Variants in NEXMIF observed in about 807,000 individuals in gnomAD.
The protein encoded by NEXMIF is XLMR protein related to neurite extension.
In NEXMIF, 8 loss-of-function variants were observed where a neutral mutation model predicts 62.1. The observed-to-expected ratio is 0.13, with a 90% CI of 0.08 to 0.23. The LOEUF is 0.23. Among genes scored for constraint, NEXMIF ranks in the 10% least tolerant of loss-of-function variants. The pLI, the probability that NEXMIF is intolerant of heterozygous loss-of-function variation, is 1.00. For missense variants in NEXMIF, 976 were observed against 1,113.3 expected, an observed-to-expected ratio of 0.88 and a Z score of 1.75; for synonymous variants, 404 against 416.6, an observed-to-expected ratio of 0.97 and a Z score of 0.37.
intron 1 of NEXMIF, among the ~76,000 whole-genome samples, chrX:74,887,256 G>T (rs372939513): frequency 4.8e-4 from 53 of 111,030 alleles, no homozygotes; most frequent in Non-Finnish European, 6.6e-4. Context: ...ACTTCATGTC[G>T]AAAACACCAA....
intron 1 of NEXMIF, among the ~76,000 whole-genome samples, chrX:74,857,976 T>C (rs1221124637): frequency 1.8e-5 from 2 of 111,889 alleles, no homozygotes; most frequent in African/African-American, 3.3e-5. Flanking sequence ...TGTCGCCTGA[T>C]TTGAGTGCCA....
rs2080204191 is a variant in NEXMIF, at chrX:74,769,648, T to C, written c.-47-23951A>G. The C allele has an allele frequency of 7.4e-6, 5 of 674,869 alleles. No homozygotes were observed. The South Asian group carries it at 1.1e-4, about 15-fold the overall frequency. 55.6% of individuals were successfully genotyped at this position (674,869 alleles called of 1,213,427 possible). A position where few individuals can be genotyped will look rare whatever the true frequency, so the allele number is the denominator to read the frequency against. The stretch of plus-strand genomic sequence containing the variant: ...ATTCAGTCACGGTATCCGAACTTTG[T>C]AAGACGAACTCTGTGGCAAGGCTGG... On this transcript the variant is annotated intron_variant, in intron 1 of 3. Transcript: ENST00000055682.
In NEXMIF at chrX:74,867,226, C is replaced by T. The variant is rs750560980; in HGVS notation, c.-48+57657G>A. On this transcript the variant is annotated intron_variant, in intron 1 of 3. Transcript: ENST00000055682. ...TGCCCAAAGTAATTTATAGATTCCACGCTATTACCATTACACTACCATTGA... is the reference window on the plus strand; with the variant it reads ...TGCCCAAAGTAATTTATAGATTCCATGCTATTACCATTACACTACCATTGA... Among the ~76,000 whole-genome samples the T allele has an allele frequency of 5.4e-5, 6 of 111,866 alleles. No homozygotes were observed. The East Asian group carries it at 8.5e-4, about 16-fold the overall frequency.
chrX:74,758,627 T>C (rs2080166448), intron 1 of NEXMIF, among the ~76,000 whole-genome samples: 1 of 111,298 alleles, frequency 9.0e-6, no homozygotes, highest in South Asian at 3.8e-4. Flanking sequence ...ATTTGCATCA[T>C]TTAGCTCCCA....
At chrX:74,903,755 A>G (rs1344972800) in intron 1 of NEXMIF, among the ~76,000 whole-genome samples, 1 of 111,679 alleles carries the variant, frequency 9.0e-6, no homozygotes, top group Non-Finnish European at 1.9e-5. Context: ...TGTTTCAAAC[A>G]TGTTGAACTG....
At chrX:74,857,789 G>T (rs1005192953) in intron 1 of NEXMIF, among the ~76,000 whole-genome samples, 1 of 111,858 alleles carries the variant, frequency 8.9e-6, no homozygotes, top group Admixed American at 9.5e-5. Flanking sequence ...CTTCCATGAA[G>T]AATGAGTCCC....
intron 1 of NEXMIF, among the ~76,000 whole-genome samples, chrX:74,806,931 G>A (rs2080346648): frequency 8.9e-6 from 1 of 112,722 alleles, no homozygotes; most frequent in South Asian, 3.6e-4. Flanking sequence ...ATTCCACAAC[G>A]TTTTGATTAC....
chrX:74,813,163 T>C (rs2080365698), intron 1 of NEXMIF, among the ~76,000 whole-genome samples: 1 of 110,505 alleles, frequency 9.0e-6, no homozygotes, highest in Non-Finnish European at 1.9e-5. Flanking sequence ...TTTAAGGAGG[T>C]GGAATAAGTA....
intron 1 of NEXMIF, among the ~76,000 whole-genome samples, chrX:74,844,965 A>G (rs2080487038): frequency 8.9e-6 from 1 of 112,574 alleles, no homozygotes; most frequent in Non-Finnish European, 1.9e-5. Context: ...CTGATTGATT[A>G]GTGTTCACAT....
intron 1 of NEXMIF, among the ~76,000 whole-genome samples, chrX:74,810,342 C>G (rs1366871294): frequency 9.0e-6 from 1 of 111,703 alleles, no homozygotes; most frequent in Admixed American, 9.5e-5. Flanking sequence ...ATGTAAATTA[C>G]TGTGTAGCCT....
At chrX:74,864,643 C>T (rs2080570833) in intron 1 of NEXMIF, among the ~76,000 whole-genome samples, 1 of 112,268 alleles carries the variant, frequency 8.9e-6, no homozygotes, top group African/African-American at 3.2e-5. Flanking sequence ...GTGAGGCCTT[C>T]CCAGCCATGG....
intron 1 of NEXMIF, among the ~76,000 whole-genome samples, chrX:74,762,344 A>T (rs1461693047): frequency 2.7e-5 from 3 of 111,070 alleles, no homozygotes; most frequent in Admixed American, 9.6e-5. Flanking sequence ...GTGCCACATT[A>T]TCTTAATCCA....
Position 74,740,950 on chromosome X carries a change from C to G in NEXMIF, c.3607G>C (p.Gly1203Arg). ...GGTTTTTCAATCCCCTTGTTGTTAC[C>G]TTTGAGGGATTTTTTCCTGGTGTTT... ...QKNTRKKSLK[G>R]NNKGIEKPPG... is the part of the protein sequence containing the mutation. Residue 1203 changes from glycine (G) to arginine (R), a missense_variant, in exon 3 of 4, where the codon GGT becomes CGT. Physicochemically the swap from Gly to Arg is moderately radical, Grantham distance 125. This residue lies in a region of NEXMIF where 639 missense variants were observed against 694.5 expected (regional missense o/e 0.92). Transcript: ENST00000055682. The G allele has an allele frequency of 8.3e-7, 1 of 1,211,717 alleles. No homozygotes were observed. Among genetic ancestry groups the G allele is most frequent in the Non-Finnish European group, 1.1e-6 (1 of 895,500 alleles).
chrX:74,856,902 G>T (rs1335094721), intron 1 of NEXMIF, among the ~76,000 whole-genome samples: 1 of 111,869 alleles, frequency 8.9e-6, no homozygotes, highest in Non-Finnish European at 1.9e-5. Flanking sequence ...ACTCAGTGCT[G>T]CCTTGTCCCA....
intron 1 of NEXMIF, among the ~76,000 whole-genome samples, chrX:74,912,502 G>A (rs1360568448): frequency 1.8e-5 from 2 of 111,308 alleles, no homozygotes; most frequent in Non-Finnish European, 3.8e-5. Context: ...ACAAAACTTA[G>A]TTAATACTAT....
chrX:74,752,575 G>A (rs1381844373), intron 1 of NEXMIF, among the ~76,000 whole-genome samples: 1 of 111,439 alleles, frequency 9.0e-6, no homozygotes, highest in African/African-American at 3.3e-5. Context: ...CAATGAGAAA[G>A]CATGTACAAA....
intron 1 of NEXMIF, among the ~76,000 whole-genome samples, chrX:74,787,104 C>CAAAAAAAA (rs766388500): frequency 0.01 from 312 of 30,157 alleles, 1 homozygote; most frequent in Middle Eastern, 0.034. Context: ...ACCAAAAATA[C>CAAAAAAAA]AAAAAAAAAA....
chrX:74,757,281 A>G (rs910230249), intron 1 of NEXMIF, among the ~76,000 whole-genome samples: 4 of 112,284 alleles, frequency 3.6e-5, no homozygotes, highest in Non-Finnish European at 7.5e-5. Context: ...AGAAAGTTCT[A>G]CTAGACAGCA....
intron 1 of NEXMIF, among the ~76,000 whole-genome samples, chrX:74,866,799 GC>G (rs745952749): frequency 3.6e-4 from 41 of 112,606 alleles, no homozygotes; most frequent in Non-Finnish European, 6.0e-4. Flanking sequence ...ATGTGCCTTT[GC>G]TCCCCCTTCA....
Sources: allele counts gnomAD v4.1 joint callset (sites outside exome capture counted in the v4.1 genomes callset), GRCh38; gene constraint gnomAD v4.1.1; regional missense constraint gnomAD v4.1.1; transcripts MANE v1.5; gene names NCBI Gene and HGNC (gene_info 2026-07-23, HGNC 2026-07-21).